RFX8: variants seen among roughly 807,000 people sequenced by gnomAD.
RFX8 encodes the protein DNA-binding protein RFX8.
A neutral mutation model predicts 54.6 loss-of-function variants in RFX8; 46 were observed. The ratio of observed to expected loss-of-function variants is 0.84; its 90% CI spans 0.67 to 1.08. The LOEUF is 1.08. RFX8 is among the 50% of genes least tolerant of loss of function. The pLI is 0.00. For synonymous variants in RFX8, 192 were observed against 209.5 expected (o/e 0.92, Z 0.72); for missense variants, 536 against 562.3 (o/e 0.95, Z 0.47).
At chr2:101,439,914 GATCGGT>G (rs1272792643) in intron 2 of RFX8, among the ~76,000 whole-genome samples, 2 of 152,078 alleles carry the variant, frequency 1.3e-5, no homozygotes, top group Non-Finnish European at 2.9e-5. Context: ...CAGTTCCAGT[GATCGGT>G]GTGTCCATGC....
At chr2:101,461,876 A>G (rs1039776862) in intron 2 of RFX8, among the ~76,000 whole-genome samples, 1 of 152,190 alleles carries the variant, frequency 6.6e-6, no homozygotes, top group African/African-American at 2.4e-5. Flanking sequence ...TTATAACCCA[A>G]TAAATGCAAG....
intron 2 of RFX8, among the ~76,000 whole-genome samples, chr2:101,445,187 C>T (rs896185246): frequency 6.6e-6 from 1 of 152,202 alleles, no homozygotes; most frequent in Non-Finnish European, 1.5e-5. Context: ...CTCCCACCCT[C>T]CTGCTCACCC....
At chr2:101,436,802 G>A (rs1026450462) in intron 2 of RFX8, among the ~76,000 whole-genome samples, 1 of 152,216 alleles carries the variant, frequency 6.6e-6, no homozygotes, top group Non-Finnish European at 1.5e-5. Context: ...CTGGTCCTCT[G>A]TTGGCCGCTG....
At chr2:101,427,590 C>T (rs1190380132) in intron 2 of RFX8, among the ~76,000 whole-genome samples, 3 of 152,190 alleles carry the variant, frequency 2.0e-5, no homozygotes, top group African/African-American at 7.2e-5. Flanking sequence ...CGTGTGATAA[C>T]AGATTTGTGT....
At chr2:101,439,596 CATT>C (rs1687974977) in intron 2 of RFX8, among the ~76,000 whole-genome samples, 3 of 143,618 alleles carry the variant, frequency 2.1e-5, no homozygotes, top group Middle Eastern at 3.6e-3. Flanking sequence ...GATTGAAGTT[CATT>C]TTTTTTTTTT....
chr2:101,437,594 A>G (rs1277890813), intron 2 of RFX8, among the ~76,000 whole-genome samples: 1 of 152,102 alleles, frequency 6.6e-6, no homozygotes, highest in Non-Finnish European at 1.5e-5. Flanking sequence ...AAAGAAAAAA[A>G]GGAAAAAAAA....
chr2:101,470,687 C>T (rs971624871), intron 1 of RFX8, among the ~76,000 whole-genome samples: 5 of 143,154 alleles, frequency 3.5e-5, no homozygotes, highest in Non-Finnish European at 7.5e-5. Context: ...TTAGCCAGTG[C>T]TTCACACGTT....
chr2:101,414,984 G>A (rs1423800805), intron 6 of RFX8, 72 bp from the exon 7 acceptor site: 24 of 1,225,732 alleles, frequency 2.0e-5, no homozygotes, highest in African/African-American at 3.0e-5. Flanking sequence ...GGGAAGAGAA[G>A]GTGCATGTTT....
chr2:101,425,646 G>A (rs1687128289), intron 2 of RFX8, among the ~76,000 whole-genome samples: 1 of 151,830 alleles, frequency 6.6e-6, no homozygotes, highest in Non-Finnish European at 1.5e-5. Flanking sequence ...CAATCCCTGA[G>A]GTCTCTTCCT....
intron 2 of RFX8, among the ~76,000 whole-genome samples, chr2:101,444,525 C>A (rs1354113326): frequency 6.6e-6 from 1 of 152,198 alleles, no homozygotes; most frequent in African/African-American, 2.4e-5. Flanking sequence ...AAAAGACAAT[C>A]AACTGATGCC....
intron 8 of RFX8, among the ~76,000 whole-genome samples, chr2:101,412,578 A>G (rs1294082949): frequency 2.0e-5 from 3 of 152,230 alleles, no homozygotes; most frequent in African/African-American, 7.2e-5. Flanking sequence ...TGTACAACAC[A>G]GATGCAGAAA....
intron 2 of RFX8, among the ~76,000 whole-genome samples, chr2:101,437,769 AATTTCCCAAGTTTT>A (rs1687859782): frequency 6.6e-6 from 1 of 151,270 alleles, no homozygotes; most frequent in Non-Finnish European, 1.5e-5. Flanking sequence ...GCTGATCTTA[AATTTCCCAAGTTTT>A]ACTTAAATTC....
Position 101,406,060 on chromosome 2 carries a change from G to A in RFX8, c.814-3C>T, listed in dbSNP as rs1478765447. On this transcript the variant is annotated splice_polypyrimidine_tract_variant and splice_region_variant and intron_variant, in intron 9 of 11. Transcript: ENST00000428343. Reference sequence around the variant, plus strand: ...AACTCTTCTTTGCTTCTGCTTGTCTGTTAAGTTTTTGTGAGAAAAAAGGCT... The same window carrying A: ...AACTCTTCTTTGCTTCTGCTTGTCTATTAAGTTTTTGTGAGAAAAAAGGCT... 1.3e-6 allele frequency: 2 copies of A among 1,524,556 alleles called. No homozygotes were observed. The highest frequency in any genetic ancestry group is 2.5e-5 in the South Asian group (2 of 79,670). 94.4% of individuals were successfully genotyped at this position (1,524,556 alleles called of 1,614,324 possible).
At chr2:101,414,556 G>C (rs1231865489) in intron 7 of RFX8, among the ~76,000 whole-genome samples, 1 of 151,778 alleles carries the variant, frequency 6.6e-6, no homozygotes, top group African/African-American at 2.4e-5. Flanking sequence ...TTACAGGTAC[G>C]AGCCCCCCAC....
At position 101,399,398 on chromosome 2, in the gene RFX8, A is replaced by G. The variant is rs563943452; in HGVS notation, c.1246-1674T>C. Among the ~76,000 whole-genome samples the G allele has an allele frequency of 1.4e-3, 208 of 152,380 alleles. 1 individual carries two copies. Among genetic ancestry groups the G allele is most frequent in the African/African-American group, 4.7e-3 (197 of 41,594 alleles). The stretch of plus-strand genomic sequence containing the variant: ...TCAGCAGGCATGAATGAACAGAAGC[A>G]GGTTTAATTAATCTCTAATGTGTAT... On this transcript the variant is annotated intron_variant, in intron 11 of 11. Transcript: ENST00000428343.
chr2:101,450,518 A>G, intron 2 of RFX8: 1 of 705,232 alleles, frequency 1.4e-6, no homozygotes, highest in Non-Finnish European at 2.4e-6. Flanking sequence ...GTGAGCCACC[A>G]CACTTGGCCT....
At chr2:101,442,437 T>G (rs1048938638) in intron 2 of RFX8, among the ~76,000 whole-genome samples, 4 of 152,182 alleles carry the variant, frequency 2.6e-5, no homozygotes, top group African/African-American at 4.8e-5. Context: ...AGTGGCAAAT[T>G]TTTTTGGTTT....
At chr2:101,474,313 G>T in intron 1 of RFX8, 1 of 467,704 alleles carries the variant, frequency 2.1e-6, no homozygotes, top group South Asian at 3.8e-5. Context: ...GGCAGGCAGC[G>T]AGCGGCGGCC....
At chr2:101,457,514 A>G (rs1368316988) in intron 2 of RFX8, among the ~76,000 whole-genome samples, 3 of 152,090 alleles carry the variant, frequency 2.0e-5, no homozygotes, top group Admixed American at 6.6e-5. Context: ...GTAGCTGTGC[A>G]ATTTTGAGTG....
Sources: gnomAD v4.1 joint callset for allele counts (sites outside exome capture counted in the v4.1 genomes callset) on GRCh38, gnomAD v4.1.1 for gene constraint, MANE v1.5 for transcripts, NCBI Gene and HGNC (gene_info 2026-07-23, HGNC 2026-07-21) for gene names.